CAMK2G: variants seen among roughly 807,000 people sequenced by gnomAD.
CAMK2G encodes calcium/calmodulin-dependent protein kinase type II subunit gamma.
A neutral mutation model predicts 88.7 loss-of-function variants in CAMK2G; 23 were observed. The ratio of observed to expected loss-of-function variants is 0.26; its 90% CI spans 0.19 to 0.37. The LOEUF (loss-of-function observed/expected upper bound fraction) is 0.37, where lower values mean the gene tolerates loss of function less well. Among genes scored for constraint, CAMK2G ranks in the 10% least tolerant of loss-of-function variants. CAMK2G has a pLI of 1.00. For missense variants in CAMK2G, 476 were observed against 780.8 expected, an observed-to-expected ratio of 0.61 and a Z score of 4.65; for synonymous variants, 263 against 294.8, an observed-to-expected ratio of 0.89 and a Z score of 1.11.
Position 73,852,250 on chromosome 10 carries a change from C to G in CAMK2G, c.341+4G>C. On this transcript the variant is annotated splice_donor_region_variant and intron_variant, in intron 5 of 22. Coordinates refer to ENST00000423381, the MANE Select transcript of CAMK2G (RefSeq NM_001367534.1). ...ACATTTGAACTCTCGGGCCCTCATC[C>G]TACCTGGCATCTGCTTCACTGTAGT... 1 of 1,612,974 alleles carries G rather than the reference C, an allele frequency of 6.2e-7. No individual in the cohort carries two copies. Among genetic ancestry groups the G allele is most frequent in the Non-Finnish European group, 8.5e-7 (1 of 1,178,908 alleles).
chr10:73,818,115 C>T (rs1372181313), intron 19 of CAMK2G: 1 of 167,010 alleles, frequency 6.0e-6, no homozygotes, highest in Non-Finnish European at 1.3e-5. Flanking sequence ...TGGATGCTTC[C>T]CACTGCTCAA....
At position 73,814,744 on chromosome 10, in the gene CAMK2G, CCTTT is replaced by C. The variant is rs148120926; in HGVS notation, c.*13-243_*13-240del. ...TAAATGAGGTAGGCACCACTCTCTG[CCTTT>C]CTTTGACAGCTAAGGAAACAGTTTA... On this transcript the variant is annotated intron_variant, in intron 22 of 22. Transcript: ENST00000423381. 1,401 of 485,084 alleles carry C rather than the reference CCTTT, an allele frequency of 2.9e-3. 8 individuals are homozygous for C. The highest frequency in any genetic ancestry group is 0.016 in the African/African-American group (862 of 52,380). 30.0% of individuals were successfully genotyped at this position (485,084 alleles called of 1,614,324 possible).
At chr10:73,826,990 C>T (rs542982701) in intron 15 of CAMK2G, among the ~76,000 whole-genome samples, 2 of 152,326 alleles carry the variant, frequency 1.3e-5, no homozygotes, top group South Asian at 4.2e-4. Context: ...CTCACGGGAG[C>T]TCTGCTGTCT....
rs1367576446 is a variant in CAMK2G at position 73,842,467 on chromosome 10, T to C, written c.894A>G (p.Arg298=). 4.3e-6 allele frequency: 7 copies of C among 1,612,098 alleles called. No individual in the cohort carries two copies. The highest frequency in any genetic ancestry group is 5.9e-6 in the Non-Finnish European group (7 of 1,178,236). The part of the protein sequence containing the change: ...VECLRKFNAR[R]KLKGAILTTM... ...TAGAAACGACACTCACCTTCAGTTT[T>C]CTCCGGGCATTGAACTTGCGCAAAC... The change falls in exon 11 of 23, where the codon AGA becomes AGG. Residue 298 remains arginine (R), a synonymous_variant. Coordinates refer to ENST00000423381, the MANE Select transcript of CAMK2G (RefSeq NM_001367534.1). The surrounding 1 kb of genome is among the most constrained non-coding windows in gnomAD (Gnocchi z 4.6).
intron 19 of CAMK2G, chr10:73,818,935 C>A (rs531311164): frequency 9.7e-5 from 40 of 412,296 alleles, no homozygotes; most frequent in African/African-American, 7.5e-4. Flanking sequence ...CCCATCGAGG[C>A]ACCGTATCAA....
At chr10:73,843,341 C>T (rs1275140522) in intron 10 of CAMK2G, among the ~76,000 whole-genome samples, 4 of 152,208 alleles carry the variant, frequency 2.6e-5, no homozygotes, top group African/African-American at 9.6e-5. Flanking sequence ...CCTGGGATAA[C>T]AGGTGTGAGC....
intron 5 of CAMK2G, among the ~76,000 whole-genome samples, chr10:73,850,090 G>T (rs1304649959): frequency 1.3e-5 from 2 of 152,038 alleles, no homozygotes; most frequent in Admixed American, 1.3e-4. Context: ...TGACCTCCTG[G>T]GCTCAAGCAA....
intron 3 of CAMK2G, among the ~76,000 whole-genome samples, chr10:73,860,331 G>A (rs1216573297): frequency 1.3e-5 from 2 of 152,112 alleles, no homozygotes; most frequent in African/African-American, 2.4e-5. Flanking sequence ...TTCTCCAGAG[G>A]AGCCAGGCAG....
chr10:73,826,950 GC>G (rs202246776), intron 15 of CAMK2G, among the ~76,000 whole-genome samples: 2,136 of 152,284 alleles, frequency 0.014, 29 homozygotes, highest in Non-Finnish European at 0.023. Flanking sequence ...AGAAGAGGGG[GC>G]CCAGGAGTAG....
chr10:73,871,630 C>T (rs943391521), intron 2 of CAMK2G, among the ~76,000 whole-genome samples: 8 of 152,136 alleles, frequency 5.3e-5, no homozygotes, highest in African/African-American at 1.7e-4. Context: ...TCCCCCCCAC[C>T]CCCACTCCAG....
intron 5 of CAMK2G, among the ~76,000 whole-genome samples, chr10:73,849,708 G>C (rs1407077820): frequency 6.6e-6 from 1 of 152,192 alleles, no homozygotes. Flanking sequence ...CAGTAACTTT[G>C]TTCTTGGAGA....
intron 3 of CAMK2G, among the ~76,000 whole-genome samples, chr10:73,860,180 T>C (rs549498174): frequency 6.6e-6 from 1 of 152,202 alleles, no homozygotes; most frequent in Non-Finnish European, 1.5e-5. Context: ...AAAGTAAAAC[T>C]GAGCCAGAGT....
At chr10:73,845,900 CCTT>C (rs1453758399) in intron 10 of CAMK2G, among the ~76,000 whole-genome samples, 19 of 151,206 alleles carry the variant, frequency 1.3e-4, no homozygotes, top group African/African-American at 2.7e-4. Context: ...TTTTCAATTC[CCTT>C]CTTTTTTTTT....
chr10:73,824,739 G>A (rs2090337167), intron 16 of CAMK2G, among the ~76,000 whole-genome samples: 2 of 152,162 alleles, frequency 1.3e-5, no homozygotes, highest in African/African-American at 2.4e-5. Flanking sequence ...GGACCTCCAA[G>A]AGCACACAGA....
rs2085005675 is a variant in CAMK2G at position 73,815,259 on chromosome 10, G to C, written c.1535-12C>G. 5.0e-6 allele frequency: 8 copies of C among 1,584,224 alleles called. No individual in the cohort carries two copies. Among genetic ancestry groups the C allele is most frequent in the Non-Finnish European group, 6.9e-6 (8 of 1,153,358 alleles). Reference sequence around the variant, plus strand: ...GTTCTTGGACAGGACTGCAGGGCAGGGTGGGGTAGGTAAGAGGACATCAGG... The same window carrying C: ...GTTCTTGGACAGGACTGCAGGGCAGCGTGGGGTAGGTAAGAGGACATCAGG... On this transcript the variant is annotated splice_polypyrimidine_tract_variant and intron_variant, in intron 21 of 22. Transcript: ENST00000423381.
intron 19 of CAMK2G, chr10:73,818,869 C>T (rs1313684375): frequency 2.2e-6 from 1 of 455,648 alleles, no homozygotes; most frequent in African/African-American, 2.0e-5. Context: ...AAGCAGCAGA[C>T]AAAGGCATCC....
At chr10:73,870,154 A>G (rs951074386) in intron 2 of CAMK2G, among the ~76,000 whole-genome samples, 29 of 152,212 alleles carry the variant, frequency 1.9e-4, no homozygotes, top group Middle Eastern at 3.2e-3. Flanking sequence ...GGGTGCTCTT[A>G]AATCTTAAAA....
chr10:73,820,663 ATTTTT>A (rs1198716305), intron 18 of CAMK2G, among the ~76,000 whole-genome samples: 18 of 46,128 alleles, frequency 3.9e-4, no homozygotes, highest in African/African-American at 9.7e-4. Context: ...CACCCGGCTA[ATTTTT>A]TTTTTTTTTT....
chr10:73,865,001 T>A (rs1333600248), intron 2 of CAMK2G, among the ~76,000 whole-genome samples: 1 of 152,174 alleles, frequency 6.6e-6, no homozygotes, highest in Non-Finnish European at 1.5e-5. Context: ...ACTGAGGTGG[T>A]ACAGGTCAAG....
Sources: allele counts gnomAD v4.1 joint callset (sites outside exome capture counted in the v4.1 genomes callset), GRCh38; gene constraint gnomAD v4.1.1; non-coding constraint Gnocchi (gnomAD v3.1); transcripts MANE v1.5; gene names NCBI Gene and HGNC (gene_info 2026-07-23, HGNC 2026-07-21).